The following PDE10A variants were observed in gnomAD, a reference collection of about 807,000 sequenced individuals.
PDE10A encodes phosphodiesterase 10A.
Under a neutral mutation model 97.7 loss-of-function variants are expected in PDE10A, and 39 were observed. The observed-to-expected ratio is 0.40, with a 90% CI of 0.31 to 0.52. The LOEUF (loss-of-function observed/expected upper bound fraction) is 0.52. PDE10A is among the 20% of genes least tolerant of loss of function. PDE10A has a pLI of 0.56. For synonymous variants in PDE10A, 371 were observed against 376.8 expected, an observed-to-expected ratio of 0.98 and a Z score of 0.18; for missense variants, 731 against 1,047.8, an observed-to-expected ratio of 0.70 and a Z score of 4.17.
At chr6:165,466,585 C>A (rs931956203) in intron 3 of PDE10A, among the ~76,000 whole-genome samples, 3 of 152,216 alleles carry the variant, frequency 2.0e-5, no homozygotes, top group Admixed American at 2.0e-4. Flanking sequence ...GTGTTCACTT[C>A]ATGTCTCTAT....
chr6:165,355,408 TAAC>T (rs1222228624), intron 18 of PDE10A, among the ~76,000 whole-genome samples: 3 of 152,188 alleles, frequency 2.0e-5, no homozygotes, highest in Non-Finnish European at 4.4e-5. Flanking sequence ...GCACAATCAC[TAAC>T]ATTATTGTTT....
In PDE10A at chr6:165,688,619, T is replaced by C. The variant is rs13218673; in HGVS notation, c.-614-145051A>G. Among the ~76,000 whole-genome samples, 522 of 152,270 alleles carry C rather than the reference T, an allele frequency of 3.4e-3. 2 individuals carry two copies. Among genetic ancestry groups the C allele is most frequent in the Non-Finnish European group, 5.4e-3 (365 of 68,018 alleles). On this transcript the variant is annotated intron_variant, in intron 1 of 19. Transcript: ENST00000366882. ...GTGGAATGGACACGCATTGGATACG[T>C]AGTGGAATGGATCTAGAAAGATCTC...
At chr6:165,521,478 C>T (rs143175379) in intron 2 of PDE10A, among the ~76,000 whole-genome samples, 8 of 152,256 alleles carry the variant, frequency 5.3e-5, no homozygotes, top group East Asian at 1.9e-4. Flanking sequence ...TAGTTAGCCA[C>T]GTTGTTAATG....
intron 20 of PDE10A, among the ~76,000 whole-genome samples, chr6:165,336,883 C>T (rs1781688431): frequency 6.6e-6 from 1 of 151,612 alleles, no homozygotes; most frequent in Non-Finnish European, 1.5e-5. Context: ...ACCTTTAGTG[C>T]TTTCTTGCAG....
At chr6:165,822,062 C>G (rs1779587315) in intron 1 of PDE10A, among the ~76,000 whole-genome samples, 1 of 152,236 alleles carries the variant, frequency 6.6e-6, no homozygotes, top group Non-Finnish European at 1.5e-5. Context: ...ACTCGGCAAA[C>G]ACTTTTCCTG....
chr6:165,384,732 T>C (rs992559956), intron 17 of PDE10A, among the ~76,000 whole-genome samples: 1 of 151,900 alleles, frequency 6.6e-6, no homozygotes, highest in East Asian at 1.9e-4. Flanking sequence ...TTGCTTGCTG[T>C]TGTCACTGTG....
chr6:165,444,239 C>T (rs1408448579), intron 5 of PDE10A, among the ~76,000 whole-genome samples: 1 of 152,144 alleles, frequency 6.6e-6, no homozygotes, highest in East Asian at 1.9e-4. Flanking sequence ...CTTCATCTTC[C>T]TGTCTTTTGA....
rs148575812 is a variant in PDE10A at position 165,850,976 on chromosome 6, G to A, written c.-615+136553C>T. Among the ~76,000 whole-genome samples, 56 of 152,314 alleles carry A rather than the reference G, an allele frequency of 3.7e-4. No individual in the cohort carries two copies. The East Asian group carries it at 7.7e-3, about 21-fold the overall frequency. ...TCATCAGTCACTGGAGTTTCGATCA[G>A]ACAGTCTTACTGTGCTTGAGAGCAT... On this transcript the variant is annotated intron_variant, in intron 1 of 19. Coordinates refer to the PDE10A transcript ENST00000366882.
At chr6:165,338,398 A>G (rs1781772281) in intron 20 of PDE10A, among the ~76,000 whole-genome samples, 1 of 152,250 alleles carries the variant, frequency 6.6e-6, no homozygotes. Context: ...TTATGCCATT[A>G]GAAGATGAGA....
chr6:165,753,529 T>C (rs1793053298), intron 1 of PDE10A, among the ~76,000 whole-genome samples: 1 of 152,264 alleles, frequency 6.6e-6, no homozygotes, highest in Non-Finnish European at 1.5e-5. Context: ...AGTCAGAATT[T>C]TAATTTTATT....
intron 1 of PDE10A, among the ~76,000 whole-genome samples, chr6:165,701,759 G>T (rs1791581345): frequency 6.6e-6 from 1 of 151,458 alleles, no homozygotes; most frequent in Admixed American, 6.6e-5. Context: ...GTGTATGTTT[G>T]CATGTGTGTA....
rs946696628 is a variant in PDE10A, at chr6:165,359,799, CT to C, written c.2784-16298del. On this transcript the variant is annotated intron_variant, in intron 18 of 21. Coordinates refer to ENST00000539869, the MANE Select transcript of PDE10A (RefSeq NM_001385079.1). ...GCTATATGTAACATCTGTCACATAT[CT>C]TTTTTTTTCTGTTCTTTTTTGTTTA... Among the ~76,000 whole-genome samples the C allele has an allele frequency of 1.5e-3, 232 of 150,570 alleles. 1 individual carries two copies. Among genetic ancestry groups the C allele is most frequent in the African/African-American group, 4.9e-3 (202 of 41,260 alleles).
intron 1 of PDE10A, among the ~76,000 whole-genome samples, chr6:165,902,962 G>A (rs910910911): frequency 5.9e-5 from 9 of 152,220 alleles, no homozygotes; most frequent in African/African-American, 1.9e-4. Context: ...CCTTTTATAT[G>A]TGGCCTATTT....
At chr6:165,523,959 G>A (rs1210260070) in intron 2 of PDE10A, among the ~76,000 whole-genome samples, 4 of 152,144 alleles carry the variant, frequency 2.6e-5, no homozygotes, top group Non-Finnish European at 5.9e-5. Context: ...TTAATAAGGT[G>A]GGCACCATCT....
chr6:165,858,790 T>TC (rs1562770878), intron 1 of PDE10A, among the ~76,000 whole-genome samples: 1 of 152,170 alleles, frequency 6.6e-6, no homozygotes, highest in African/African-American at 2.4e-5. Flanking sequence ...AATCCATGTT[T>TC]CCCCGGGGGT....
chr6:165,560,957 T>A (rs1327778085), intron 1 of PDE10A, among the ~76,000 whole-genome samples: 1 of 152,216 alleles, frequency 6.6e-6, no homozygotes, highest in African/African-American at 2.4e-5. Flanking sequence ...CAGTGGCTCA[T>A]ACCTGTAATC....
intron 1 of PDE10A, among the ~76,000 whole-genome samples, chr6:165,958,571 C>A (rs28462098): frequency 0.089 from 446 of 5,004 alleles, 27 homozygotes; most frequent in East Asian, 0.13. Flanking sequence ...GAAAGACAGA[C>A]AGAAAGAAAG....
At chr6:165,615,224 G>A (rs201720008) in intron 1 of PDE10A, among the ~76,000 whole-genome samples, 26 of 131,626 alleles carry the variant, frequency 2.0e-4, no homozygotes, top group Non-Finnish European at 3.4e-5. Flanking sequence ...AAAAAAAAAA[G>A]AAAGAAAGAA....
At chr6:165,680,773 G>A (rs889977597) in intron 1 of PDE10A, among the ~76,000 whole-genome samples, 7 of 152,160 alleles carry the variant, frequency 4.6e-5, no homozygotes, top group South Asian at 4.1e-4. Context: ...GTGTGGTGGC[G>A]GGCACCTGTA....
Sources: allele counts gnomAD v4.1 joint callset (sites outside exome capture counted in the v4.1 genomes callset), GRCh38; gene constraint gnomAD v4.1.1; transcripts MANE v1.5; gene names NCBI Gene and HGNC (gene_info 2026-07-23, HGNC 2026-07-21).